The following KCNMA1 variants were observed in gnomAD, a reference collection of about 807,000 sequenced individuals.
KCNMA1 encodes the protein potassium calcium-activated channel subfamily M alpha 1.
A neutral mutation model predicts 140.0 loss-of-function variants in KCNMA1; 29 were observed. The observed-to-expected ratio is 0.21, with a 90% CI of 0.15 to 0.28. KCNMA1 has a LOEUF of 0.28. Ranked by LOEUF, KCNMA1 falls within the 10% of genes least tolerant of loss-of-function variation. The pLI is 1.00. For missense variants in KCNMA1, 880 were observed against 1,602.2 expected (o/e 0.55, Z 7.70); for synonymous variants, 612 against 611.9 (o/e 1.00, Z 0.00).
At chr10:77,189,249 G>A (rs1230722781) in intron 3 of KCNMA1, among the ~76,000 whole-genome samples, 2 of 152,120 alleles carry the variant, frequency 1.3e-5, no homozygotes, top group Admixed American at 6.6e-5. Flanking sequence ...AGGTGTTGCT[G>A]CTCGAGAAGC....
At chr10:77,636,496 G>A in intron 1 of KCNMA1, 4 of 1,536,176 alleles carry the variant, frequency 2.6e-6, no homozygotes, top group Non-Finnish European at 3.5e-6. Flanking sequence ...TGGCATTTCC[G>A]GGGACCCAAA....
Position 76,886,523 on chromosome 10 carries a change from A to G in KCNMA1, c.*743T>C, listed in dbSNP as rs1466108522. 1.0e-6 allele frequency: 1 copy of G among 985,168 alleles called. No individual in the cohort carries two copies. Among genetic ancestry groups the G allele is most frequent in the Non-Finnish European group, 1.2e-6 (1 of 829,820 alleles). The allele number at this position is 985,168 out of a possible 1,614,324, so 61.0% of individuals were successfully genotyped here. ...AACCTCTTTTCACTTAAACTAAATG[A>G]CTAGAATTTGATACATCCATGATTG... On this transcript the variant is annotated 3_prime_UTR_variant, in exon 28 of 28. Transcript: ENST00000286628.
intron 5 of KCNMA1, among the ~76,000 whole-genome samples, chr10:77,151,192 CTG>C (rs1223901591): frequency 0.048 from 2,140 of 44,434 alleles, 56 homozygotes; most frequent in African/African-American, 0.16. Flanking sequence ...CTTTCTTTCC[CTG>C]TCTCTCTCTC....
intron 1 of KCNMA1, among the ~76,000 whole-genome samples, chr10:77,627,723 G>C (rs1216581805): frequency 1.3e-5 from 2 of 152,202 alleles, no homozygotes; most frequent in South Asian, 4.1e-4. Flanking sequence ...CCCAGACACA[G>C]ACTAGAAGCA....
intron 17 of KCNMA1, 69 bp from the exon 18 acceptor site, chr10:77,012,112 C>T: frequency 6.2e-7 from 1 of 1,609,762 alleles, no homozygotes; most frequent in Non-Finnish European, 8.5e-7. Flanking sequence ...ACCACATTTC[C>T]TCCACGGTGG....
chr10:77,263,716 C>G (rs1434124524), intron 2 of KCNMA1, among the ~76,000 whole-genome samples: 1 of 152,148 alleles, frequency 6.6e-6, no homozygotes, highest in East Asian at 1.9e-4. Context: ...TGCTAAATGA[C>G]CATTCAGCTG....
chr10:77,167,677 TTTTC>T (rs1206627931), intron 5 of KCNMA1, among the ~76,000 whole-genome samples: 21 of 151,932 alleles, frequency 1.4e-4, no homozygotes, highest in Non-Finnish European at 2.6e-4. Flanking sequence ...CTCATTTTCT[TTTTC>T]TTTCTTTCTT....
intron 11 of KCNMA1, among the ~76,000 whole-genome samples, chr10:77,085,473 AGATTTTACAT>A (rs2096670176): frequency 6.6e-6 from 1 of 152,200 alleles, no homozygotes; most frequent in South Asian, 2.1e-4. Flanking sequence ...CGTTCTCATA[AGATTTTACAT>A]AAGCAATAAC....
chr10:76,932,353 T>G (rs1374064737), intron 23 of KCNMA1, among the ~76,000 whole-genome samples: 1 of 152,210 alleles, frequency 6.6e-6, no homozygotes, highest in Non-Finnish European at 1.5e-5. Context: ...TGAATTCTCA[T>G]AGTCATTTGA....
At chr10:77,067,836 C>T (rs1379570968) in intron 14 of KCNMA1, among the ~76,000 whole-genome samples, 2 of 152,288 alleles carry the variant, frequency 1.3e-5, no homozygotes, top group East Asian at 3.9e-4. Context: ...AGAACAGAAG[C>T]TTTCTGAAGC....
intron 1 of KCNMA1, among the ~76,000 whole-genome samples, chr10:77,479,645 A>G (rs1603627929): frequency 6.6e-6 from 1 of 152,182 alleles, no homozygotes. Flanking sequence ...TATAGAGACC[A>G]GGACTCACAC....
intron 1 of KCNMA1, among the ~76,000 whole-genome samples, chr10:77,449,116 T>TA (rs906927245): frequency 6.0e-4 from 88 of 146,572 alleles, no homozygotes; most frequent in African/African-American, 1.1e-3. Flanking sequence ...GCCATTGAAA[T>TA]AAAAAAAAAT....
chr10:77,119,150 T>C lies in KCNMA1; in HGVS notation c.884+1823A>G, dbSNP rs924498824. 4.6e-5 allele frequency among the ~76,000 whole-genome samples: 7 copies of C among 152,176 alleles called. No homozygotes were observed. The East Asian group carries it at 1.4e-3, about 29-fold the overall frequency. ...CTGCACTGAGAGAGGCAGCACTGAG[T>C]GCAGTTGGCAGGTGAGCTGACACCA... On this transcript the variant is annotated intron_variant, in intron 6 of 27. Transcript: ENST00000286628.
At chr10:77,218,162 G>A (rs2048404512) in intron 3 of KCNMA1, among the ~76,000 whole-genome samples, 1 of 151,980 alleles carries the variant, frequency 6.6e-6, no homozygotes, top group African/African-American at 2.4e-5. Context: ...TGAGAGGGAG[G>A]GAGAAGTTGA....
At chr10:76,892,870 G>T (rs1360606391) in intron 25 of KCNMA1, among the ~76,000 whole-genome samples, 1 of 152,084 alleles carries the variant, frequency 6.6e-6, no homozygotes, top group Admixed American at 6.6e-5. Context: ...AGTTACTAGC[G>T]GGGCTGGATT....
intron 14 of KCNMA1, among the ~76,000 whole-genome samples, chr10:77,071,954 A>G (rs2096231849): frequency 6.6e-6 from 1 of 152,146 alleles, no homozygotes; most frequent in Non-Finnish European, 1.5e-5. Context: ...CTGTATCCTC[A>G]TGCTTCCCAC....
chr10:76,909,455 A>G (rs546637559), intron 25 of KCNMA1, among the ~76,000 whole-genome samples: 3 of 152,268 alleles, frequency 2.0e-5, no homozygotes, highest in East Asian at 1.9e-4. Flanking sequence ...TTCTTAAGAA[A>G]AAGTCCAAAA....
chr10:77,473,046 C>T (rs2098199776), intron 1 of KCNMA1, among the ~76,000 whole-genome samples: 1 of 152,256 alleles, frequency 6.6e-6, no homozygotes, highest in South Asian at 2.1e-4. Flanking sequence ...CTGTGGCCTG[C>T]CCTGGGTCAC....
At chr10:76,907,444 C>A (rs1049591378) in intron 25 of KCNMA1, among the ~76,000 whole-genome samples, 2 of 152,182 alleles carry the variant, frequency 1.3e-5, no homozygotes, top group African/African-American at 4.8e-5. Context: ...GTGCTCAAAC[C>A]GATTTTATTC....
Sources: gnomAD v4.1 joint callset for allele counts (sites outside exome capture counted in the v4.1 genomes callset) on GRCh38, gnomAD v4.1.1 for gene constraint, MANE v1.5 for transcripts, NCBI Gene and HGNC (gene_info 2026-07-23, HGNC 2026-07-21) for gene names.